LDLRAD3: variants seen among roughly 807,000 people sequenced by gnomAD.
LDLRAD3 encodes the protein low density lipoprotein receptor class A domain containing 3, also known as low-density lipoprotein receptor class A domain-containing protein 3.
In LDLRAD3, 20 loss-of-function variants were observed where a neutral mutation model predicts 29.4. The observed-to-expected ratio is 0.68, with a 90% CI of 0.48 to 0.99. LDLRAD3 has a LOEUF of 0.99. Ranked by LOEUF, LDLRAD3 falls within the 50% of genes least tolerant of loss-of-function variation. The pLI is 0.00. For synonymous variants in LDLRAD3, 157 were observed against 192.7 expected, an observed-to-expected ratio of 0.81 and a Z score of 1.53; for missense variants, 420 against 454.3, an observed-to-expected ratio of 0.92 and a Z score of 0.69.
At chr11:36,170,313 C>CATATATAT (rs146629970) in intron 4 of LDLRAD3, among the ~76,000 whole-genome samples, 5 of 145,552 alleles carry the variant, frequency 3.4e-5, no homozygotes, top group Non-Finnish European at 6.0e-5. Flanking sequence ...TACATATATA[C>CATATATAT]GTATATATGT....
At chr11:36,038,859 CTTT>C (rs1257807231) in intron 2 of LDLRAD3, among the ~76,000 whole-genome samples, 1 of 151,992 alleles carries the variant, frequency 6.6e-6, no homozygotes, top group East Asian at 1.9e-4. Context: ...TGTAGCCCTT[CTTT>C]TTTTGTCTTT....
intron 4 of LDLRAD3, among the ~76,000 whole-genome samples, chr11:36,144,297 T>C (rs1194537101): frequency 6.6e-6 from 1 of 150,876 alleles, no homozygotes; most frequent in Non-Finnish European, 1.5e-5. Context: ...ACCTCCCAGC[T>C]GCCTGCCTTG....
chr11:36,060,932 T>C (rs1221368396), intron 2 of LDLRAD3, among the ~76,000 whole-genome samples: 1 of 152,218 alleles, frequency 6.6e-6, no homozygotes, highest in African/African-American at 2.4e-5. Context: ...TTATAACAGA[T>C]AAATATGTAT....
intron 2 of LDLRAD3, among the ~76,000 whole-genome samples, chr11:36,060,382 A>G (rs1181157664): frequency 1.3e-5 from 2 of 151,696 alleles, no homozygotes; most frequent in African/African-American, 4.8e-5. Flanking sequence ...AAAGTTATAT[A>G]ACTCACAATC....
intron 4 of LDLRAD3, among the ~76,000 whole-genome samples, chr11:36,207,047 G>T (rs930421314): frequency 6.6e-6 from 1 of 152,106 alleles, no homozygotes; most frequent in African/African-American, 2.4e-5. Context: ...TTTTGTACAC[G>T]AGTTTCTCTG....
At chr11:36,003,372 A>G (rs1851847782) in intron 1 of LDLRAD3, among the ~76,000 whole-genome samples, 1 of 152,132 alleles carries the variant, frequency 6.6e-6, no homozygotes, top group Non-Finnish European at 1.5e-5. Context: ...TATTAACTGT[A>G]TTTTCTCAGC....
chr11:36,042,493 G>T (rs984734515), intron 2 of LDLRAD3, among the ~76,000 whole-genome samples: 1 of 152,162 alleles, frequency 6.6e-6, no homozygotes. Flanking sequence ...GTCAGTCATT[G>T]TGTGCAGCTG....
intron 1 of LDLRAD3, among the ~76,000 whole-genome samples, chr11:36,015,653 C>T (rs1852013269): frequency 6.6e-6 from 1 of 150,606 alleles, no homozygotes; most frequent in Non-Finnish European, 1.5e-5. Context: ...CCCACTCCAT[C>T]CTCCCCCTGC....
chr11:36,123,692 C>T (rs1488096000), intron 4 of LDLRAD3, among the ~76,000 whole-genome samples: 3 of 152,248 alleles, frequency 2.0e-5, no homozygotes, highest in Non-Finnish European at 4.4e-5. Flanking sequence ...GGAGTAGGCC[C>T]TAGCCACAAA....
chr11:36,185,077 G>A (rs1854826399), intron 4 of LDLRAD3, among the ~76,000 whole-genome samples: 1 of 152,082 alleles, frequency 6.6e-6, no homozygotes, highest in Non-Finnish European at 1.5e-5. Flanking sequence ...AGGGGAGATG[G>A]TTTGCATATA....
intron 1 of LDLRAD3, among the ~76,000 whole-genome samples, chr11:36,028,662 G>A (rs531200813): frequency 1.1e-4 from 16 of 152,230 alleles, no homozygotes; most frequent in African/African-American, 3.9e-4. Context: ...TTCCCAAAAA[G>A]AATTCCATTT....
chr11:36,156,496 C>T (rs1380668250), intron 4 of LDLRAD3, among the ~76,000 whole-genome samples: 1 of 152,236 alleles, frequency 6.6e-6, no homozygotes, highest in Non-Finnish European at 1.5e-5. Context: ...TCTCCCAAGG[C>T]AGTGCTGTCT....
chr11:35,945,352 A>G (rs896997795), intron 1 of LDLRAD3, among the ~76,000 whole-genome samples: 3 of 152,226 alleles, frequency 2.0e-5, no homozygotes, highest in Non-Finnish European at 4.4e-5. Flanking sequence ...GCATCCTCAC[A>G]GCCCACTGGG....
At chr11:36,086,761 C>A (rs1175425601) in intron 3 of LDLRAD3, among the ~76,000 whole-genome samples, 1 of 152,204 alleles carries the variant, frequency 6.6e-6, no homozygotes, top group Non-Finnish European at 1.5e-5. Flanking sequence ...GTCTTATTCT[C>A]CATTTGGCCT....
intron 4 of LDLRAD3, among the ~76,000 whole-genome samples, chr11:36,199,161 A>G (rs1487638674): frequency 1.3e-5 from 2 of 151,996 alleles, no homozygotes; most frequent in African/African-American, 4.8e-5. Flanking sequence ...TGGCCTACCA[A>G]AGAGCTGGGA....
In LDLRAD3 at chr11:36,213,206, A is replaced by G. The variant is rs966059467; in HGVS notation, c.455-13879A>G. Among the ~76,000 whole-genome samples the G allele has an allele frequency of 6.6e-6, 1 of 151,884 alleles. No individual in the cohort carries two copies. The highest frequency in any genetic ancestry group is 2.4e-5 in the African/African-American group (1 of 41,326). ...GTCCTGGTTCCCAGCATCCTGGCAG[A>G]TGGGTCTCCTCTCTCATTTCCCTCT... On this transcript the variant is annotated intron_variant, in intron 4 of 5. Coordinates refer to ENST00000315571, the MANE Select transcript of LDLRAD3 (RefSeq NM_174902.4). The surrounding 1 kb of genome is among the most constrained non-coding windows in gnomAD (Gnocchi z 4.1).
intron 2 of LDLRAD3, among the ~76,000 whole-genome samples, chr11:36,062,925 C>A (rs1395675891): frequency 6.6e-6 from 1 of 152,068 alleles, no homozygotes; most frequent in African/African-American, 2.4e-5. Flanking sequence ...CTAAAACTAG[C>A]TTTGTATAGC....
At chr11:36,125,438 C>T (rs960432082) in intron 4 of LDLRAD3, among the ~76,000 whole-genome samples, 1 of 152,228 alleles carries the variant, frequency 6.6e-6, no homozygotes, top group African/African-American at 2.4e-5. Context: ...ATGCTTTGTA[C>T]AGTGCCTAAT....
intron 4 of LDLRAD3, among the ~76,000 whole-genome samples, chr11:36,129,041 G>A (rs11606633): frequency 0.18 from 27,029 of 151,922 alleles, 2,864 homozygotes; most frequent in Middle Eastern, 0.24. Context: ...GGAAGTAGAA[G>A]TACAGGTCTC....
Sources: gnomAD v4.1 joint callset for allele counts (sites outside exome capture counted in the v4.1 genomes callset) on GRCh38, gnomAD v4.1.1 for gene constraint, Gnocchi (gnomAD v3.1) non-coding constraint, MANE v1.5 for transcripts, NCBI Gene and HGNC (gene_info 2026-07-23, HGNC 2026-07-21) for gene names.